RIMBP2: variants seen among roughly 807,000 people sequenced by gnomAD.
RIMBP2 encodes RIMS-binding protein 2.
Under a neutral mutation model 118.6 loss-of-function variants are expected in RIMBP2, and 48 were observed. The observed-to-expected ratio is 0.40, with a 90% CI of 0.32 to 0.51. RIMBP2 has a LOEUF of 0.51. RIMBP2 is among the 20% of genes least tolerant of loss of function. The pLI is 0.41. For missense variants in RIMBP2, 1,551 were observed against 1,768.3 expected (o/e 0.88, Z 2.20); for synonymous variants, 762 against 742.9 (o/e 1.03, Z -0.42).
intron 1 of RIMBP2, among the ~76,000 whole-genome samples, chr12:130,650,587 C>A (rs1003986232): frequency 1.1e-4 from 17 of 152,370 alleles, no homozygotes; most frequent in African/African-American, 4.1e-4. Context: ...CCAGAGCATG[C>A]TCCTGTCTTG....
At chr12:130,570,450 C>T (rs1041125853) in intron 2 of RIMBP2, among the ~76,000 whole-genome samples, 5 of 152,076 alleles carry the variant, frequency 3.3e-5, no homozygotes, top group Admixed American at 1.3e-4. Flanking sequence ...AACAAAAACC[C>T]TGAAATTTTA....
chr12:130,536,910 G>A (rs2054136450), intron 2 of RIMBP2, among the ~76,000 whole-genome samples: 1 of 152,056 alleles, frequency 6.6e-6, no homozygotes, highest in African/African-American at 2.4e-5. Context: ...TTCTCCTCTG[G>A]GGTACTTTTT....
chr12:130,425,851 C>A (rs915586724), intron 15 of RIMBP2: 1 of 152,376 alleles, frequency 6.6e-6, no homozygotes, highest in Admixed American at 6.5e-5. Context: ...GTCTGTCCCC[C>A]CTCTTGCTGT....
At chr12:130,539,648 C>A (rs12810912) in intron 2 of RIMBP2, among the ~76,000 whole-genome samples, 5 of 138,056 alleles carry the variant, frequency 3.6e-5, no homozygotes, top group East Asian at 2.2e-4. Flanking sequence ...CAAATGCAGT[C>A]GATGAGGTGG....
chr12:130,696,224 A>C (rs1186867156), intron 1 of RIMBP2, among the ~76,000 whole-genome samples: 1 of 152,216 alleles, frequency 6.6e-6, no homozygotes, highest in Admixed American at 6.5e-5. Flanking sequence ...CCTTACTGGG[A>C]GTGCAGAAGA....
chr12:130,433,142 C>A (rs746496639), intron 14 of RIMBP2, among the ~76,000 whole-genome samples: 8 of 152,168 alleles, frequency 5.3e-5, no homozygotes, highest in Non-Finnish European at 1.5e-5. Flanking sequence ...GGCAGAGGAC[C>A]GGCCTTACAC....
Position 130,437,200 on chromosome 12 carries a change from G to A in RIMBP2, c.1748C>T (p.Thr583Ile). ...SLEAKGVTVR[T>I]LSAQGESVDS... Reference sequence around the variant, plus strand: ...CACGGACTCGCCCTGGGCGGAGAGGGTCCGCACGGTCACGCCCTTGGCCTC... The same window carrying A: ...CACGGACTCGCCCTGGGCGGAGAGGATCCGCACGGTCACGCCCTTGGCCTC... Residue 583 changes from threonine to isoleucine, a missense_variant, in exon 13 of 23, where the codon ACC becomes ATC. Physicochemically the swap from Thr to Ile is moderately conservative, Grantham distance 89. Coordinates refer to ENST00000690449, the MANE Select transcript of RIMBP2 (RefSeq NM_001393629.1). The A allele has an allele frequency of 3.8e-6, 6 of 1,585,016 alleles. No homozygotes were observed. Among genetic ancestry groups the A allele is most frequent in the Non-Finnish European group, 5.1e-6 (6 of 1,168,796 alleles).
At chr12:130,516,903 T>C (rs777302016) in intron 3 of RIMBP2, among the ~76,000 whole-genome samples, 7 of 152,066 alleles carry the variant, frequency 4.6e-5, no homozygotes, top group Non-Finnish European at 1.0e-4. Context: ...ACAGGCCAGT[T>C]AGGAAATGGC....
intron 2 of RIMBP2, among the ~76,000 whole-genome samples, chr12:130,596,725 C>T (rs2059584130): frequency 1.3e-5 from 2 of 152,220 alleles, no homozygotes; most frequent in Admixed American, 6.5e-5. Flanking sequence ...CCCCTAACAG[C>T]CCCACTGATA....
chr12:130,438,781 A>G (rs886335946), intron 11 of RIMBP2, among the ~76,000 whole-genome samples: 2 of 151,946 alleles, frequency 1.3e-5, no homozygotes, highest in Non-Finnish European at 1.5e-5. Flanking sequence ...GCAAACCTAA[A>G]CTGTCTGTGG....
intron 6 of RIMBP2, among the ~76,000 whole-genome samples, chr12:130,462,940 G>A (rs1371332686): frequency 6.6e-6 from 1 of 152,178 alleles, no homozygotes; most frequent in Non-Finnish European, 1.5e-5. Flanking sequence ...TCCTACCAAG[G>A]AGAACCTAAG....
At chr12:130,497,365 A>C (rs2049285825) in intron 4 of RIMBP2, among the ~76,000 whole-genome samples, 1 of 152,228 alleles carries the variant, frequency 6.6e-6, no homozygotes, top group Non-Finnish European at 1.5e-5. Context: ...TGGGTCCACC[A>C]GTCCCTGCCT....
chr12:130,458,692 G>A (rs574147802), intron 6 of RIMBP2, among the ~76,000 whole-genome samples: 32 of 151,996 alleles, frequency 2.1e-4, no homozygotes, highest in African/African-American at 7.5e-4. Context: ...ATTCTAACAT[G>A]TGACAGGGAA....
chr12:130,511,439 C>T lies in RIMBP2; in HGVS notation c.-126-4669G>A, dbSNP rs748402098. ...GCACGCGTCGAATTGTCACTCTACA[C>T]CAACAACTGGCATCTGTCCCTGGAA... On this transcript the variant is annotated intron_variant, in intron 3 of 22. Coordinates refer to ENST00000690449, the MANE Select transcript of RIMBP2 (RefSeq NM_001393629.1). This position sits in a 1 kb window ranked among gnomAD's most constrained non-coding sequence, Gnocchi z 4.3. 6.6e-6 allele frequency among the ~76,000 whole-genome samples: 1 copy of T among 152,194 alleles called. No individual in the cohort carries two copies. Among genetic ancestry groups the T allele is most frequent in the Non-Finnish European group, 1.5e-5 (1 of 68,036 alleles).
chr12:130,625,553 G>C (rs1594087656), intron 2 of RIMBP2, among the ~76,000 whole-genome samples: 1 of 152,074 alleles, frequency 6.6e-6, no homozygotes. Context: ...ACAGTCATGA[G>C]GACCTATTTT....
intron 1 of RIMBP2, among the ~76,000 whole-genome samples, chr12:130,664,046 T>C (rs192771918): frequency 6.6e-6 from 1 of 151,670 alleles, no homozygotes; most frequent in East Asian, 1.9e-4. Flanking sequence ...AATCTATTGT[T>C]TTAATTGACA....
At chr12:130,616,927 C>A (rs979108911) in intron 2 of RIMBP2, among the ~76,000 whole-genome samples, 15 of 152,172 alleles carry the variant, frequency 9.9e-5, no homozygotes, top group African/African-American at 3.6e-4. Flanking sequence ...TCGGGGACTG[C>A]TTGTGTGGGC....
At chr12:130,609,444 C>T (rs563267999) in intron 2 of RIMBP2, among the ~76,000 whole-genome samples, 26 of 150,760 alleles carry the variant, frequency 1.7e-4, no homozygotes, top group African/African-American at 6.1e-4. Context: ...AGAGGGACCC[C>T]GACCCCCAGA....
chr12:130,659,599 T>C (rs2136330141), intron 1 of RIMBP2, among the ~76,000 whole-genome samples: 1 of 150,732 alleles, frequency 6.6e-6, no homozygotes, highest in South Asian at 2.1e-4. Flanking sequence ...AAGTAACAGA[T>C]AAAACTAATT....
Sources: gnomAD v4.1 joint callset for allele counts (sites outside exome capture counted in the v4.1 genomes callset) on GRCh38, gnomAD v4.1.1 for gene constraint, Gnocchi (gnomAD v3.1) non-coding constraint, MANE v1.5 for transcripts, NCBI Gene and HGNC (gene_info 2026-07-23, HGNC 2026-07-21) for gene names.